Variants in GLRX2 observed in about 807,000 individuals in gnomAD.
The protein encoded by GLRX2 is bA101E13.1 (GRX2 glutaredoxin (thioltransferase) 2).
Under a neutral mutation model 16.4 loss-of-function variants are expected in GLRX2, and 12 were observed. The observed-to-expected ratio is 0.73, with a 90% CI of 0.47 to 1.19. The LOEUF (loss-of-function observed/expected upper bound fraction) is 1.19, where lower values mean the gene tolerates loss of function less well. Ranked by LOEUF, GLRX2 falls within the 50% of genes most tolerant of loss-of-function variation. GLRX2 has a pLI of 0.00. For synonymous variants in GLRX2, 95 were observed against 76.2 expected (o/e 1.25, Z -1.28); for missense variants, 201 against 201.8 (o/e 1.00, Z 0.02).
chr1:193,105,086 G>A (rs1481224237), intron 1 of GLRX2, 178 bp downstream of exon 1: 1 of 591,508 alleles, frequency 1.7e-6, no homozygotes, highest in Non-Finnish European at 2.1e-6. Context: ...AGCCGCGGAG[G>A]GCACCCTTCC....
intron 2 of GLRX2, among the ~76,000 whole-genome samples, chr1:193,100,343 G>A (rs1675049026): frequency 6.6e-6 from 1 of 152,028 alleles, no homozygotes; most frequent in Admixed American, 6.6e-5. Flanking sequence ...GTGTGGTGGT[G>A]GACGCCTGTA....
chr1:193,105,173 G>T, intron 1 of GLRX2, 91 bp downstream of exon 1: 1 of 1,432,204 alleles, frequency 7.0e-7, no homozygotes, highest in East Asian at 2.8e-5. Flanking sequence ...CCCGGCGCCG[G>T]GGCAAAGGGG....
At chr1:193,103,097 G>A (rs974395697) in intron 1 of GLRX2, among the ~76,000 whole-genome samples, 2 of 152,046 alleles carry the variant, frequency 1.3e-5, no homozygotes, top group African/African-American at 4.8e-5. Flanking sequence ...GAGTAGTGAT[G>A]CTGGCAATTC....
At chr1:193,103,010 AT>A (rs1338170918) in intron 1 of GLRX2, among the ~76,000 whole-genome samples, 1 of 152,108 alleles carries the variant, frequency 6.6e-6, no homozygotes. Flanking sequence ...AGTAACCCTT[AT>A]TTTACTTAAT....
At chr1:193,101,818 A>G (rs1675082620) in intron 1 of GLRX2, among the ~76,000 whole-genome samples, 1 of 152,232 alleles carries the variant, frequency 6.6e-6, no homozygotes. Flanking sequence ...TCCTGAATAC[A>G]GGACCTCTCA....
rs771900567 is a variant in GLRX2, at chr1:193,101,160, G to A, written c.164C>T (p.Ala55Val). The change falls in exon 2 of 4, where the codon GCG becomes GTG. Residue 55 changes from alanine to valine, a missense_variant. Ala to Val is a moderately conservative substitution (Grantham distance 64, BLOSUM62 0). Coordinates refer to ENST00000367439, the MANE Select transcript of GLRX2 (RefSeq NM_197962.3). ...ACTCACTTGGATCTGGTTCACAGGC[G>A]CCGTCGCTAAATTCTCCAAAGATGA... ...TSSSLENLAT[A>V]PVNQIQETIS... The A allele has an allele frequency of 3.4e-5, 54 of 1,610,600 alleles. No individual in the cohort carries two copies. Among genetic ancestry groups the A allele is most frequent in the South Asian group, 4.4e-5 (4 of 91,034 alleles).
intron 1 of GLRX2, among the ~76,000 whole-genome samples, chr1:193,102,046 T>G (rs1006742445): frequency 6.6e-6 from 1 of 152,146 alleles, no homozygotes; most frequent in Non-Finnish European, 1.5e-5. Flanking sequence ...TGATGCAAAC[T>G]AACTGCAGAG....
At position 193,105,321 on chromosome 1, in the gene GLRX2, GCCGAGCCGCTC is replaced by G; in HGVS notation, c.51_61del (p.Arg17SerfsTer5). On this transcript the variant is annotated frameshift_variant, in exon 1 of 4. Coordinates refer to ENST00000367439, the MANE Select transcript of GLRX2 (RefSeq NM_197962.3). LOFTEE classifies it high-confidence loss of function. The stretch of plus-strand genomic sequence containing the variant: ...TCCCGCCGCCCTGTCAAGCCAGCCT[GCCGAGCCGCTC>G]CTGCTCCAAACCAGCCGCGTCCCCG... 6.5e-7 allele frequency: 1 copy of G among 1,535,408 alleles called. No individual in the cohort carries two copies. Among genetic ancestry groups the G allele is most frequent in the Non-Finnish European group, 8.7e-7 (1 of 1,150,398 alleles).
At chr1:193,100,102 A>G (rs1010031062) in intron 2 of GLRX2, among the ~76,000 whole-genome samples, 1 of 152,198 alleles carries the variant, frequency 6.6e-6, no homozygotes, top group African/African-American at 2.4e-5. Flanking sequence ...TGACAGCGTT[A>G]GGGTTTCTAG....
At chr1:193,098,145 G>C (rs1674997696) in intron 2 of GLRX2, among the ~76,000 whole-genome samples, 1 of 152,190 alleles carries the variant, frequency 6.6e-6, no homozygotes, top group Non-Finnish European at 1.5e-5. Flanking sequence ...AGGTGCAGAG[G>C]AAGATCAACA....
upstream of GLRX2, chr1:193,105,439 C>A: frequency 1.0e-5 from 15 of 1,450,714 alleles, no homozygotes; most frequent in Non-Finnish European, 1.4e-5. Flanking sequence ...ATCCCGGGAG[C>A]CCGCCTCCTC....
chr1:193,103,579 C>G (rs200490885), intron 1 of GLRX2, among the ~76,000 whole-genome samples: 1 of 151,880 alleles, frequency 6.6e-6, no homozygotes, highest in East Asian at 1.9e-4. Context: ...TCAGTACTAT[C>G]CGAGGTTTTA....
chr1:193,098,797 C>T (rs1431366688), intron 2 of GLRX2, among the ~76,000 whole-genome samples: 3 of 152,002 alleles, frequency 2.0e-5, no homozygotes, highest in South Asian at 2.1e-4. Flanking sequence ...GTGATCCACC[C>T]GCCTCAGCCT....
chr1:193,102,853 A>C (rs1201997657), intron 1 of GLRX2, among the ~76,000 whole-genome samples: 1 of 152,090 alleles, frequency 6.6e-6, no homozygotes, highest in Non-Finnish European at 1.5e-5. Context: ...AGCATGATGA[A>C]ATCTTGAGCC....
chr1:193,098,522 AAAACAAAC>A (rs1031942986), intron 2 of GLRX2, among the ~76,000 whole-genome samples: 4 of 152,062 alleles, frequency 2.6e-5, no homozygotes, highest in African/African-American at 7.2e-5. Flanking sequence ...ACTCTGTCTC[AAAACAAAC>A]AAACAAACAA....
Position 193,096,663 on chromosome 1 carries a change from A to G in GLRX2, c.457T>C (p.Cys153Arg). The G allele has an allele frequency of 1.3e-6, 2 of 1,596,936 alleles. No individual in the cohort carries two copies. Among genetic ancestry groups the G allele is most frequent in the Non-Finnish European group, 1.7e-6 (2 of 1,165,284 alleles). The part of the protein sequence containing the change: ...EGKLLPLVHQ[C>R]YLKKSKRKEF... ...TTCCTCTTACTTTTTTTTAAATAAC[A>G]CTGATGAACTAGTGGGAGCAATTTT... Residue 153 changes from cysteine (C) to arginine (R), a missense_variant, in exon 4 of 4, where the codon TGT (cysteine) becomes CGT (arginine). Transcript: ENST00000367439.
At chr1:193,102,477 G>A (rs1381917762) in intron 1 of GLRX2, among the ~76,000 whole-genome samples, 2 of 151,900 alleles carry the variant, frequency 1.3e-5, no homozygotes, top group African/African-American at 4.8e-5. Flanking sequence ...TCAGACTCCC[G>A]AGTCACTGAC....
chr1:193,097,494 G>A (rs980979088), intron 3 of GLRX2, 90 bp downstream of exon 3: 50 of 964,872 alleles, frequency 5.2e-5, no homozygotes, highest in African/African-American at 1.9e-4. Context: ...GAGAATGTCT[G>A]GCTCATTTTC....
Position 193,096,707 on chromosome 1 carries a change from T to C in GLRX2, c.413A>G (p.His138Arg). The C allele has an allele frequency of 6.2e-7, 1 of 1,608,866 alleles. No individual in the cohort carries two copies. Among genetic ancestry groups the C allele is most frequent in the Non-Finnish European group, 8.5e-7 (1 of 1,175,546 alleles). Residue 138 changes from histidine to arginine, a missense_variant, in exon 4 of 4, where the codon CAT (histidine) becomes CGT (arginine). Transcript: ENST00000367439. ...GTFIGGATDT[H>R]RLHKEGKLLP... ...CAATTTTCCTTCTTTGTGAAGCCTA[T>C]GAGTGTCAGTTGCACCTCCAATAAA...
Sources: gnomAD v4.1 joint callset for allele counts (sites outside exome capture counted in the v4.1 genomes callset) on GRCh38, gnomAD v4.1.1 for gene constraint, MANE v1.5 for transcripts, NCBI Gene and HGNC (gene_info 2026-07-23, HGNC 2026-07-21) for gene names.